The following BEND4 variants were observed in gnomAD, a reference collection of about 807,000 sequenced individuals.
BEND4 encodes the protein BEN domain containing 4.
Under a neutral mutation model 54.7 loss-of-function variants are expected in BEND4, and 27 were observed. The observed-to-expected ratio is 0.49, with a 90% CI of 0.36 to 0.68. The LOEUF is 0.68. Among genes scored for constraint, BEND4 ranks in the 30% least tolerant of loss-of-function variants. BEND4 has a pLI of 0.00. For synonymous variants in BEND4, 327 were observed against 299.5 expected (o/e 1.09, Z -0.95); for missense variants, 702 against 697.2 (o/e 1.01, Z -0.08).
intron 3 of BEND4, among the ~76,000 whole-genome samples, chr4:42,133,629 T>C (rs1577757664): frequency 6.6e-6 from 1 of 151,570 alleles, no homozygotes; most frequent in African/African-American, 2.4e-5. Flanking sequence ...CTGAGGCGGG[T>C]AGATCACGTG....
In BEND4 at chr4:42,117,607, T is replaced by C; in HGVS notation, c.1516A>G (p.Asn506Asp). The stretch of plus-strand genomic sequence containing the variant: ...ATCCCTTCATAAAATGAGCCACCGT[T>C]GTGCAGGAAAGTCCCCACCGCCCGC... ...QGRAVGTFLH[N>D]GGSFYEGIDH... Residue 506 changes from asparagine (N) to aspartate (D), a missense_variant, in exon 6 of 6, where the codon AAC (asparagine) becomes GAC (aspartate). Coordinates refer to ENST00000502486, the MANE Select transcript of BEND4 (RefSeq NM_207406.4). 1 of 1,613,338 alleles carries C rather than the reference T, an allele frequency of 6.2e-7. No homozygotes were observed. The highest frequency in any genetic ancestry group is 8.5e-7 in the Non-Finnish European group (1 of 1,179,674).
At chr4:42,140,662 G>A (rs973193124) in intron 3 of BEND4, among the ~76,000 whole-genome samples, 18 of 152,160 alleles carry the variant, frequency 1.2e-4, no homozygotes, top group Non-Finnish European at 1.3e-4. Flanking sequence ...CTATGGGTTC[G>A]GTAAGTGAGA....
At chr4:42,134,562 A>C (rs779767620) in intron 3 of BEND4, among the ~76,000 whole-genome samples, 1 of 152,244 alleles carries the variant, frequency 6.6e-6, no homozygotes, top group African/African-American at 2.4e-5. Flanking sequence ...GAGGGGACAC[A>C]AAGATGACTT....
rs377728069 is a variant in BEND4 at position 42,125,609 on chromosome 4, G to A, written c.1120C>T (p.Pro374Ser). The change falls in exon 4 of 6, where the codon CCA becomes TCA. Residue 374 changes from proline (P) to serine (S), a missense_variant. By Grantham distance (74) the Pro-to-Ser change is moderately conservative. Coordinates refer to ENST00000502486, the MANE Select transcript of BEND4 (RefSeq NM_207406.4). ...TCTGTCGGCTGGTCAGCTGGCTGTGGTATCAGGAGTTGGTTGTGGTGCTGC... is the reference window on the plus strand; with the variant it reads ...TCTGTCGGCTGGTCAGCTGGCTGTGATATCAGGAGTTGGTTGTGGTGCTGC... ...VLQHHNQLLI[P>S]QPADQPTEGS... The A allele has an allele frequency of 1.9e-6, 3 of 1,613,712 alleles. No homozygotes were observed. Among genetic ancestry groups the A allele is most frequent in the Non-Finnish European group, 2.5e-6 (3 of 1,179,786 alleles).
rs914702256 is a variant in BEND4, at chr4:42,112,891, A to G, written c.*4627T>C. ...ATAAAAGAACCAGTGCCACTGGCTG[A>G]CAGTGTAACTTTGCAGAGGACTACC... On this transcript the variant is annotated 3_prime_UTR_variant, in exon 6 of 6. Transcript: ENST00000502486. 1 of 152,224 alleles carries G rather than the reference A, an allele frequency of 6.6e-6. No individual in the cohort carries two copies. 9.4% of individuals were successfully genotyped at this position (152,224 alleles called of 1,614,324 possible).
intron 3 of BEND4, among the ~76,000 whole-genome samples, chr4:42,127,125 T>C (rs904727982): frequency 1.3e-5 from 2 of 152,238 alleles, no homozygotes; most frequent in South Asian, 2.1e-4. Flanking sequence ...AATGCTAATA[T>C]AATAGCTTTG....
chr4:42,123,754 T>C (rs548401675), intron 4 of BEND4, among the ~76,000 whole-genome samples: 21 of 141,542 alleles, frequency 1.5e-4, no homozygotes, highest in African/African-American at 5.5e-4. Context: ...AGAAAGAAGC[T>C]GCTGCAATAG....
At chr4:42,139,685 T>C (rs1399883367) in intron 3 of BEND4, among the ~76,000 whole-genome samples, 1 of 152,012 alleles carries the variant, frequency 6.6e-6, no homozygotes, top group African/African-American at 2.4e-5. Flanking sequence ...AGCTGACCCA[T>C]CTCCTTTTCA....
chr4:42,120,683 T>C (rs1720021164), intron 4 of BEND4, among the ~76,000 whole-genome samples: 2 of 152,254 alleles, frequency 1.3e-5, no homozygotes, highest in Admixed American at 1.3e-4. Context: ...TTCAATTCTT[T>C]GGTTACTTTT....
intron 3 of BEND4, among the ~76,000 whole-genome samples, chr4:42,140,492 G>T (rs867627345): frequency 6.6e-6 from 1 of 152,306 alleles, no homozygotes; most frequent in African/African-American, 2.4e-5. Flanking sequence ...TACAGTAATA[G>T]GACTGATGAT....
chr4:42,119,882 G>A (rs2153144607), intron 5 of BEND4, 172 bp downstream of exon 5: 2 of 736,684 alleles, frequency 2.7e-6, no homozygotes, highest in Admixed American at 2.3e-5. Flanking sequence ...AAGGCAAACG[G>A]AGGTTTTTAA....
intron 3 of BEND4, among the ~76,000 whole-genome samples, chr4:42,128,464 A>G (rs1358881648): frequency 1.3e-5 from 2 of 152,056 alleles, no homozygotes; most frequent in Non-Finnish European, 2.9e-5. Flanking sequence ...TCTATTAAAA[A>G]ACACAAAAAA....
intron 2 of BEND4, among the ~76,000 whole-genome samples, chr4:42,149,530 C>T (rs537507443): frequency 6.6e-6 from 1 of 152,238 alleles, no homozygotes; most frequent in South Asian, 2.1e-4. Flanking sequence ...TCTATGACCT[C>T]CTTAAAAACA....
chr4:42,125,768 TCTTACTGGCAC>T (rs1374568978), intron 3 of BEND4, 94 bp from the exon 4 acceptor site: 3 of 763,900 alleles, frequency 3.9e-6, no homozygotes, highest in Non-Finnish European at 6.2e-6. Context: ...TAAACAGAGG[TCTTACTGGCAC>T]CCATACTGGA....
intron 3 of BEND4, among the ~76,000 whole-genome samples, chr4:42,138,050 A>G (rs35934072): frequency 0.16 from 24,284 of 152,148 alleles, 2,042 homozygotes; most frequent in Non-Finnish European, 0.19. Flanking sequence ...TTCCTAGAAA[A>G]TTAAAAATAT....
In BEND4 at chr4:42,112,273, CTG is replaced by C. The variant is rs1309402894; in HGVS notation, c.*5243_*5244del. 1.3e-5 allele frequency: 2 copies of C among 152,112 alleles called. No homozygotes were observed. The highest frequency in any genetic ancestry group is 2.9e-5 in the Non-Finnish European group (2 of 68,028). The allele number at this position is 152,112 out of a possible 1,614,324, so 9.4% of individuals were successfully genotyped here. A position where few individuals can be genotyped will look rare whatever the true frequency, so the allele number is the denominator to read the frequency against. On this transcript the variant is annotated 3_prime_UTR_variant, in exon 6 of 6. Coordinates refer to ENST00000502486, the MANE Select transcript of BEND4 (RefSeq NM_207406.4). ...GAACAGTAACAGCCTCATAGGGTAGCTGTGAGGATTAAAATGAGAATGCATTA... is the reference window on the plus strand; with the variant it reads ...GAACAGTAACAGCCTCATAGGGTAGCTGAGGATTAAAATGAGAATGCATTA...
rs913197692 is a variant in BEND4, at chr4:42,111,402, G to A, written c.*6116C>T. 6.6e-6 allele frequency: 1 copy of A among 152,180 alleles called. No individual in the cohort carries two copies. The highest frequency in any genetic ancestry group is 2.4e-5 in the African/African-American group (1 of 41,440). The allele number at this position is 152,180 out of a possible 1,614,324, so 9.4% of individuals were successfully genotyped here. On this transcript the variant is annotated 3_prime_UTR_variant, in exon 6 of 6. Coordinates refer to ENST00000502486, the MANE Select transcript of BEND4 (RefSeq NM_207406.4). ...TAAAGGCAACTCGGCCCCGGTGTTAGGCTGCTACATGAAGTTCCAGAGAGG... is the reference window on the plus strand; with the variant it reads ...TAAAGGCAACTCGGCCCCGGTGTTAAGCTGCTACATGAAGTTCCAGAGAGG...
chr4:42,139,728 C>G (rs967141531), intron 3 of BEND4, among the ~76,000 whole-genome samples: 1 of 152,128 alleles, frequency 6.6e-6, no homozygotes, highest in Non-Finnish European at 1.5e-5. Flanking sequence ...CTGAGCGTTG[C>G]GTTCTCCTTT....
chr4:42,132,926 A>C (rs1384959291), intron 3 of BEND4, among the ~76,000 whole-genome samples: 1 of 152,218 alleles, frequency 6.6e-6, no homozygotes, highest in Non-Finnish European at 1.5e-5. Context: ...GAATGGCTAT[A>C]AAGGCAGCTA....
Sources: allele counts gnomAD v4.1 joint callset (sites outside exome capture counted in the v4.1 genomes callset), GRCh38; gene constraint gnomAD v4.1.1; transcripts MANE v1.5; gene names NCBI Gene and HGNC (gene_info 2026-07-23, HGNC 2026-07-21).